The following MAP3K7 variants were observed in gnomAD, a reference collection of about 807,000 sequenced individuals.
The protein encoded by MAP3K7 is TGF-beta activated kinase 1.
In MAP3K7, 21 loss-of-function variants were observed where a neutral mutation model predicts 84.8. That is an observed-to-expected ratio of 0.25 (90% CI 0.18 to 0.36). The LOEUF is 0.36. Among genes scored for constraint, MAP3K7 ranks in the 10% least tolerant of loss-of-function variants. The pLI is 1.00. For synonymous variants in MAP3K7, 241 were observed against 247.7 expected, an observed-to-expected ratio of 0.97 and a Z score of 0.25; for missense variants, 503 against 747.7, an observed-to-expected ratio of 0.67 and a Z score of 3.82.
At chr6:90,578,675 G>A (rs1030852692) in intron 1 of MAP3K7, among the ~76,000 whole-genome samples, 4 of 152,110 alleles carry the variant, frequency 2.6e-5, no homozygotes, top group African/African-American at 9.7e-5. Context: ...GGATAAAGTT[G>A]TTTCCTGGTA....
intron 13 of MAP3K7, among the ~76,000 whole-genome samples, chr6:90,527,159 C>T (rs900530925): frequency 1.3e-5 from 2 of 152,166 alleles, no homozygotes; most frequent in Admixed American, 1.3e-4. Flanking sequence ...AAGGACAAAA[C>T]CTCAACAGAT....
At position 90,560,220 on chromosome 6, in the gene MAP3K7, A is replaced by C. The variant is rs753121841; in HGVS notation, c.344-6T>G. The C allele has an allele frequency of 6.2e-6, 10 of 1,613,850 alleles. No homozygotes were observed. Among genetic ancestry groups the C allele is most frequent in the Non-Finnish European group, 6.8e-6 (8 of 1,179,988 alleles). ...TGGTTCAGCACCATGCAGCACTGCGAAAGAAAGGCACAAACTAAAAAGAAC... is the reference window on the plus strand; with the variant it reads ...TGGTTCAGCACCATGCAGCACTGCGCAAGAAAGGCACAAACTAAAAAGAAC... On this transcript the variant is annotated splice_region_variant and splice_polypyrimidine_tract_variant and intron_variant, in intron 4 of 16. Coordinates refer to ENST00000369329, the MANE Select transcript of MAP3K7 (RefSeq NM_145331.3).
At chr6:90,576,350 G>C (rs940673194) in intron 1 of MAP3K7, among the ~76,000 whole-genome samples, 1 of 151,822 alleles carries the variant, frequency 6.6e-6, no homozygotes, top group East Asian at 1.9e-4. Context: ...GTGAACCTGA[G>C]AGGCCGAGGT....
chr6:90,575,461 G>C (rs1455867540), intron 1 of MAP3K7, among the ~76,000 whole-genome samples: 1 of 152,170 alleles, frequency 6.6e-6, no homozygotes, highest in Non-Finnish European at 1.5e-5. Context: ...AACACCAGAA[G>C]CTTCAAAGGA....
chr6:90,532,723 C>T (rs79135155), intron 13 of MAP3K7, among the ~76,000 whole-genome samples: 3 of 152,218 alleles, frequency 2.0e-5, no homozygotes, highest in African/African-American at 7.2e-5. Context: ...ATGGCTCACC[C>T]AGGTGTATAA....
intron 3 of MAP3K7, among the ~76,000 whole-genome samples, chr6:90,565,854 G>C (rs1465945280): frequency 6.6e-6 from 1 of 152,132 alleles, no homozygotes; most frequent in Non-Finnish European, 1.5e-5. Context: ...CCATCAAAAA[G>C]CTTATCCACC....
intron 12 of MAP3K7, among the ~76,000 whole-genome samples, chr6:90,540,882 GT>G (rs1294494226): frequency 6.6e-6 from 1 of 151,892 alleles, no homozygotes; most frequent in African/African-American, 2.4e-5. Flanking sequence ...TAAAAGAAAT[GT>G]AAAATTTAGG....
Position 90,557,608 on chromosome 6 carries a change from T to C in MAP3K7, c.483-984A>G, listed in dbSNP as rs35970476. On this transcript the variant is annotated intron_variant, in intron 5 of 16. Coordinates refer to ENST00000369329, the MANE Select transcript of MAP3K7 (RefSeq NM_145331.3). Reference sequence around the variant, plus strand: ...ATCTCAATGTTCTTGTTCAAACTCTTACACTTTTTACCCAAGAAAATTATA... The same window carrying C: ...ATCTCAATGTTCTTGTTCAAACTCTCACACTTTTTACCCAAGAAAATTATA... 4.7e-3 allele frequency among the ~76,000 whole-genome samples: 716 copies of C among 152,328 alleles called. 7 individuals are homozygous for C. Among genetic ancestry groups the C allele is most frequent in the African/African-American group, 0.016 (676 of 41,572 alleles).
chr6:90,565,829 A>G lies in MAP3K7; in HGVS notation c.297+2729T>C, dbSNP rs140176706. 2.2e-3 allele frequency among the ~76,000 whole-genome samples: 334 copies of G among 152,264 alleles called. 1 individual carries two copies. The highest frequency in any genetic ancestry group is 7.5e-3 in the African/African-American group (313 of 41,532). On this transcript the variant is annotated intron_variant, in intron 3 of 16. Coordinates refer to ENST00000369329, the MANE Select transcript of MAP3K7 (RefSeq NM_145331.3). The stretch of plus-strand genomic sequence containing the variant: ...AAAATCCTCAATAAAATACTGGCAA[A>G]CCGAATCCAGCAGCCCATCAAAAAG...
intron 1 of MAP3K7, among the ~76,000 whole-genome samples, chr6:90,575,758 G>A (rs1414153360): frequency 1.3e-5 from 2 of 152,122 alleles, no homozygotes; most frequent in Admixed American, 6.5e-5. Context: ...CAGCAAGCAG[G>A]GAGAACTGGG....
chr6:90,535,993 T>C (rs157689), intron 13 of MAP3K7, among the ~76,000 whole-genome samples: 107,413 of 152,066 alleles, frequency 0.71, 38,273 homozygotes, highest in Middle Eastern at 0.79. Context: ...AGGAGACATA[T>C]TAATGATTCA....
chr6:90,513,984 G>A lies in MAP3K7; in HGVS notation c.*2517C>T, dbSNP rs1774880933. 1 of 152,008 alleles carries A rather than the reference G, an allele frequency of 6.6e-6. No homozygotes were observed. The allele number at this position is 152,008 out of a possible 1,614,324, so 9.4% of individuals were successfully genotyped here. A position where few individuals can be genotyped will look rare whatever the true frequency, so the allele number is the denominator to read the frequency against. ...ACTGATTATTATTCAACTCAAAAAAGTGATTTTTATTGCTCACGAATACTT... is the reference window on the plus strand; with the variant it reads ...ACTGATTATTATTCAACTCAAAAAAATGATTTTTATTGCTCACGAATACTT... On this transcript the variant is annotated 3_prime_UTR_variant, in exon 17 of 17. Transcript: ENST00000369329.
intron 3 of MAP3K7, 56 bp downstream of exon 3, chr6:90,568,502 A>G (rs1268549189): frequency 1.4e-6 from 2 of 1,418,180 alleles, no homozygotes; most frequent in Non-Finnish European, 1.9e-6. Context: ...TAAACTACAC[A>G]CACACATCTG....
chr6:90,540,938 G>T (rs893024094), intron 12 of MAP3K7, among the ~76,000 whole-genome samples: 7 of 151,942 alleles, frequency 4.6e-5, no homozygotes, highest in African/African-American at 1.4e-4. Context: ...GTCTTACATA[G>T]TTTCACAATC....
chr6:90,516,585 T>G lies in MAP3K7; in HGVS notation c.1737A>C (p.Lys579Asn). ...QEHKKLLDEN[K>N]SLSTYYQQCK... is the part of the protein sequence containing the mutation. ...ATTGCTGGTAGTAAGTAGAAAGGCT[T>G]TTGTTTTCATCTAAAAGCTTTTTAT... The change falls in exon 17 of 17, where the codon AAA becomes AAC. Residue 579 changes from lysine (K) to asparagine (N), a missense_variant. Lys to Asn is a moderately conservative substitution (Grantham distance 94). Transcript: ENST00000369329. 6.2e-7 allele frequency: 1 copy of G among 1,612,670 alleles called. No individual in the cohort carries two copies.
rs1310943786 is a variant in MAP3K7 at position 90,539,030 on chromosome 6, C to T, written c.1292-2629G>A. Among the ~76,000 whole-genome samples, 5 of 151,900 alleles carry T rather than the reference C, an allele frequency of 3.3e-5. 1 individual carries two copies. The South Asian group carries it at 8.3e-4, about 25-fold the overall frequency. On this transcript the variant is annotated intron_variant, in intron 12 of 16. Transcript: ENST00000369329. ...ACACATTATGGGACACCATTCTCTT[C>T]ATGTGTAAAATACCCAAGATTTAAA...
chr6:90,562,248 T>C (rs1776544398), intron 3 of MAP3K7, among the ~76,000 whole-genome samples: 1 of 152,004 alleles, frequency 6.6e-6, no homozygotes, highest in South Asian at 2.1e-4. Context: ...GTGCAGCCCA[T>C]GGAGTGTGAG....
chr6:90,584,674 T>C (rs1462503631), intron 1 of MAP3K7, among the ~76,000 whole-genome samples: 1 of 152,174 alleles, frequency 6.6e-6, no homozygotes, highest in Non-Finnish European at 1.5e-5. Flanking sequence ...CTTTAGAAAG[T>C]AGCATTCAAA....
chr6:90,522,598 A>AGG (rs1189950290), intron 14 of MAP3K7, among the ~76,000 whole-genome samples: 7 of 152,156 alleles, frequency 4.6e-5, no homozygotes, highest in African/African-American at 1.7e-4. Flanking sequence ...GGACAGTCCT[A>AGG]GGTTGGGCTG....
Sources: allele counts gnomAD v4.1 joint callset (sites outside exome capture counted in the v4.1 genomes callset), GRCh38; gene constraint gnomAD v4.1.1; transcripts MANE v1.5; gene names NCBI Gene and HGNC (gene_info 2026-07-23, HGNC 2026-07-21).